ADCY3: variants seen among roughly 807,000 people sequenced by gnomAD.
ADCY3 encodes the protein adenylate cyclase 3, also known as adenylate cyclase type 3.
ADCY3 carries 70 observed loss-of-function variants against 119.4 expected under a neutral mutation model. That is an observed-to-expected ratio of 0.59 (90% confidence interval 0.48 to 0.72). ADCY3 has a LOEUF of 0.72. ADCY3 is among the 30% of genes least tolerant of loss of function. The pLI, the probability that ADCY3 is intolerant of heterozygous loss-of-function variation, is 0.00. For synonymous variants in ADCY3, 672 were observed against 621.4 expected (o/e 1.08, Z -1.21); for missense variants, 1,238 against 1,541.6 (o/e 0.80, Z 3.30).
chr2:24,827,836 T>G, intron 14 of ADCY3, 66 bp downstream of exon 14: 2 of 1,599,678 alleles, frequency 1.3e-6, no homozygotes, highest in Non-Finnish European at 1.7e-6. Flanking sequence ...CCCATGAGCT[T>G]GAACTGAGGA....
Position 24,878,673 on chromosome 2 carries a change from A to G in ADCY3, c.676-5954T>C, listed in dbSNP as rs1397384498. ...AGGGGAGGTGGCCCCTCCAAAGGCA[A>G]CCAGCCTTCTCCCACCCAAGGAGGC... On this transcript the variant is annotated intron_variant, in intron 2 of 21. Transcript: ENST00000679454. This position sits in a 1 kb window ranked among gnomAD's most constrained non-coding sequence, Gnocchi z 4.0. 1.5e-4 allele frequency among the ~76,000 whole-genome samples: 23 copies of G among 152,174 alleles called. No homozygotes were observed. Among genetic ancestry groups the G allele is most frequent in the Admixed American group, 1.5e-3 (23 of 15,284 alleles).
At chr2:24,873,546 G>A (rs1438220886) in intron 2 of ADCY3, among the ~76,000 whole-genome samples, 1 of 152,240 alleles carries the variant, frequency 6.6e-6, no homozygotes, top group African/African-American at 2.4e-5. Flanking sequence ...TGTAGGGACT[G>A]CAGATCTGAT....
At chr2:24,887,484 G>C (rs1261221113) in intron 2 of ADCY3, among the ~76,000 whole-genome samples, 1 of 152,182 alleles carries the variant, frequency 6.6e-6, no homozygotes, top group East Asian at 1.9e-4. Context: ...GAACACTCGG[G>C]GCTGCCAAGA....
intron 2 of ADCY3, among the ~76,000 whole-genome samples, chr2:24,916,212 T>C (rs1419263184): frequency 6.6e-6 from 1 of 152,250 alleles, no homozygotes; most frequent in Non-Finnish European, 1.5e-5. Context: ...AGAACAATCA[T>C]GAGTTTAGAA....
intron 2 of ADCY3, among the ~76,000 whole-genome samples, chr2:24,876,043 A>G (rs1274050074): frequency 6.6e-6 from 1 of 151,910 alleles, no homozygotes; most frequent in East Asian, 1.9e-4. Flanking sequence ...CCCAGGCTGC[A>G]CTGCAGTGGC....
At chr2:24,912,323 GAAAAAGAA>G (rs1053514237) in intron 2 of ADCY3, among the ~76,000 whole-genome samples, 5 of 150,866 alleles carry the variant, frequency 3.3e-5, no homozygotes, top group African/African-American at 4.9e-5. Flanking sequence ...AAAGGAAGAA[GAAAAAGAA>G]AAAAAGAAAA....
chr2:24,820,531 T>G (rs1473755957), intron 21 of ADCY3, 193 bp downstream of exon 21: 2 of 1,404,470 alleles, frequency 1.4e-6, no homozygotes, highest in African/African-American at 2.9e-5. Context: ...CCAGATTTTG[T>G]GGATGGGTGG....
intron 3 of ADCY3, among the ~76,000 whole-genome samples, chr2:24,851,383 C>T (rs1672272988): frequency 1.3e-5 from 2 of 152,226 alleles, no homozygotes; most frequent in South Asian, 4.1e-4. Flanking sequence ...ACACCATCCA[C>T]CCAGTCAAAA....
At chr2:24,912,932 T>TAA (rs1288529874) in intron 2 of ADCY3, among the ~76,000 whole-genome samples, 1 of 152,164 alleles carries the variant, frequency 6.6e-6, no homozygotes, top group Non-Finnish European at 1.5e-5. Flanking sequence ...TGTTTACATG[T>TAA]TCAATGACTG....
At chr2:24,846,723 T>C (rs2148620684) in intron 3 of ADCY3, among the ~76,000 whole-genome samples, 2 of 152,104 alleles carry the variant, frequency 1.3e-5, no homozygotes, top group South Asian at 2.1e-4. Flanking sequence ...GGATTACAGG[T>C]GCCTGCCCCC....
In ADCY3 at chr2:24,872,702, G is replaced by A. The variant is rs772933886; in HGVS notation, c.693C>T (p.Phe231=). The part of the protein sequence containing the change: ...QLLREILANV[F]LYLCAIAVGI... ...CCACAGCGATGGCGCACAGGTAGAG[G>A]AAGACGTTGGCCAGGATCTGCACCC... The change falls in exon 3 of 22, where the codon TTC becomes TTT. Residue 231 remains phenylalanine (F), a synonymous_variant. Coordinates refer to ENST00000679454, the MANE Select transcript of ADCY3 (RefSeq NM_004036.5). This position sits in a 1 kb window ranked among gnomAD's most constrained non-coding sequence, Gnocchi z 4.4. 1.2e-5 allele frequency: 20 copies of A among 1,613,932 alleles called. No individual in the cohort carries two copies. The highest frequency in any genetic ancestry group is 1.2e-4 in the South Asian group (11 of 91,074).
intron 2 of ADCY3, among the ~76,000 whole-genome samples, chr2:24,900,470 T>C (rs997539882): frequency 2.0e-5 from 3 of 152,142 alleles, no homozygotes. Context: ...CAATCTTAAA[T>C]GTATAGCTAC....
At chr2:24,875,453 T>C (rs371356477) in intron 2 of ADCY3, among the ~76,000 whole-genome samples, 11 of 152,210 alleles carry the variant, frequency 7.2e-5, no homozygotes, top group Non-Finnish European at 1.3e-4. Flanking sequence ...CACTGGGTGA[T>C]GCTGCCAAGC....
chr2:24,911,653 A>C (rs143320660), intron 2 of ADCY3, among the ~76,000 whole-genome samples: 55,904 of 143,492 alleles, frequency 0.39, 11,916 homozygotes, highest in African/African-American at 0.56. Flanking sequence ...AAAAAAAAAA[A>C]AAAAACACAC....
rs191829581 is a variant in ADCY3 at position 24,871,174 on chromosome 2, C to A, written c.825+1396G>T. 2.6e-5 allele frequency among the ~76,000 whole-genome samples: 4 copies of A among 151,400 alleles called. No individual in the cohort carries two copies. The East Asian group carries it at 7.7e-4, about 29-fold the overall frequency. ...GTGCAGAGAACCCAGAGGGATGCCT[C>A]CACAGTGCGAGATCAGATACAAACA... is the stretch of plus-strand genomic sequence containing the variant. On this transcript the variant is annotated intron_variant, in intron 3 of 21. Coordinates refer to ENST00000679454, the MANE Select transcript of ADCY3 (RefSeq NM_004036.5).
At chr2:24,903,138 G>C (rs1446062927) in intron 2 of ADCY3, among the ~76,000 whole-genome samples, 1 of 138,072 alleles carries the variant, frequency 7.2e-6, no homozygotes, top group Non-Finnish European at 1.5e-5. Context: ...CACAGAGAGA[G>C]ACTCTATCTC....
In ADCY3 at chr2:24,823,222, G is replaced by A. The variant is rs756699487; in HGVS notation, c.2870C>T (p.Ser957Leu). Reference sequence around the variant, plus strand: ...ATGGGCACTCACAGAGTCAAAATCTGAGATGATTTCATTGAGGAAACGCAG... The same window carrying A: ...ATGGGCACTCACAGAGTCAAAATCTAAGATGATTTCATTGAGGAAACGCAG... ...ECLRFLNEII[S>L]DFDSLLDNPK... is the part of the protein sequence containing the mutation. The change falls in exon 18 of 22, where the codon TCA (serine) becomes TTA (leucine). Residue 957 changes from serine to leucine, a missense_variant. Coordinates refer to ENST00000679454, the MANE Select transcript of ADCY3 (RefSeq NM_004036.5). The A allele has an allele frequency of 2.5e-6, 4 of 1,612,640 alleles. No individual in the cohort carries two copies. The highest frequency in any genetic ancestry group is 1.8e-4 in the Middle Eastern group (1 of 5,434).
chr2:24,821,598 G>C lies in ADCY3; in HGVS notation c.3046C>G (p.Leu1016Val). ...TTCATGGCCAGCGCGAAGTCGGCCA[G>C]GTCAGCCAGGTGCTGCCAGCGCTCT... ...ERERWQHLADLADFALAMKDT... is the reference protein window; with the variant it reads ...ERERWQHLADVADFALAMKDT... Residue 1016 changes from leucine (L) to valine (V), a missense_variant, in exon 20 of 22, where the codon CTG becomes GTG. This residue lies in a region of ADCY3 where 63 missense variants were observed against 62.8 expected (regional missense o/e 1.00). Coordinates refer to ENST00000679454, the MANE Select transcript of ADCY3 (RefSeq NM_004036.5). 3 of 1,614,132 alleles carry C rather than the reference G, an allele frequency of 1.9e-6. No individual in the cohort carries two copies. Among genetic ancestry groups the C allele is most frequent in the Non-Finnish European group, 2.5e-6 (3 of 1,180,006 alleles).
chr2:24,879,131 GAC>G (rs1268656049), intron 2 of ADCY3, among the ~76,000 whole-genome samples: 2 of 152,126 alleles, frequency 1.3e-5, no homozygotes. Flanking sequence ...CTGCCTCTCT[GAC>G]ATGGCTCCTC....
Sources: allele counts gnomAD v4.1 joint callset (sites outside exome capture counted in the v4.1 genomes callset), GRCh38; gene constraint gnomAD v4.1.1; regional missense constraint gnomAD v4.1.1; non-coding constraint Gnocchi (gnomAD v3.1); transcripts MANE v1.5; gene names NCBI Gene and HGNC (gene_info 2026-07-23, HGNC 2026-07-21).